LEPR: variants seen among roughly 807,000 people sequenced by gnomAD.
The protein encoded by LEPR is OB receptor.
A neutral mutation model predicts 114.7 loss-of-function variants in LEPR; 56 were observed. The observed-to-expected ratio is 0.49, with a 90% CI of 0.39 to 0.61. The LOEUF (loss-of-function observed/expected upper bound fraction) is 0.61, where lower values mean the gene tolerates loss of function less well. Ranked by LOEUF, LEPR falls within the 20% of genes least tolerant of loss-of-function variation. The probability of loss-of-function intolerance (pLI) is 0.00; values close to 1 mark genes in which losing one functional copy is unlikely to be tolerated. For missense variants in LEPR, 1,202 were observed against 1,352.9 expected, an observed-to-expected ratio of 0.89 and a Z score of 1.75; for synonymous variants, 443 against 461.4, an observed-to-expected ratio of 0.96 and a Z score of 0.51.
intron 8 of LEPR, among the ~76,000 whole-genome samples, chr1:65,599,704 A>G (rs1052696662): frequency 4.0e-5 from 6 of 150,180 alleles, no homozygotes; most frequent in African/African-American, 1.2e-4. Context: ...TTTTACATGG[A>G]TATGAAATAT....
At chr1:65,608,653 T>A in intron 11 of LEPR, 100 bp from the exon 12 acceptor site, 1 of 1,280,380 alleles carries the variant, frequency 7.8e-7, no homozygotes, top group Non-Finnish European at 1.1e-6. Context: ...GAAGAAGATA[T>A]TGCTTGATGA....
intron 15 of LEPR, among the ~76,000 whole-genome samples, chr1:65,616,796 T>G (rs1034874935): frequency 6.6e-6 from 1 of 152,106 alleles, no homozygotes; most frequent in Non-Finnish European, 1.5e-5. Flanking sequence ...GAATTTCTAG[T>G]CTAGATTACA....
intron 2 of LEPR, among the ~76,000 whole-genome samples, chr1:65,459,442 A>G (rs940374635): frequency 6.6e-6 from 1 of 152,174 alleles, no homozygotes; most frequent in Non-Finnish European, 1.5e-5. Context: ...AGTGCCAGCA[A>G]AGCTCACTGG....
chr1:65,447,091 CA>C (rs1646723178), intron 2 of LEPR, among the ~76,000 whole-genome samples: 1 of 152,082 alleles, frequency 6.6e-6, no homozygotes, highest in Non-Finnish European at 1.5e-5. Context: ...CTCAGCCTCC[CA>C]AAGTGCTAGG....
intron 6 of LEPR, among the ~76,000 whole-genome samples, chr1:65,593,877 G>C (rs55966874): frequency 0.5 from 75,950 of 151,406 alleles, 19,808 homozygotes; most frequent in East Asian, 0.88. Flanking sequence ...TCTTTTCTTT[G>C]AAAACTAATT....
At chr1:65,545,018 C>T (rs1253605614) in intron 2 of LEPR, among the ~76,000 whole-genome samples, 1 of 150,030 alleles carries the variant, frequency 6.7e-6, no homozygotes, top group Admixed American at 6.7e-5. Context: ...CATGTGTTCT[C>T]ATTGTTCAAT....
intron 11 of LEPR, among the ~76,000 whole-genome samples, chr1:65,608,549 CAA>C (rs1656970527): frequency 6.6e-6 from 1 of 151,926 alleles, no homozygotes; most frequent in African/African-American, 2.4e-5. Context: ...TTTTTTCAGT[CAA>C]GTCTATATTT....
chr1:65,607,904 T>C (rs1456441837), intron 11 of LEPR, among the ~76,000 whole-genome samples: 9 of 152,242 alleles, frequency 5.9e-5, no homozygotes, highest in Admixed American at 4.6e-4. Flanking sequence ...TGCATTTCTA[T>C]GATTTTTACA....
At chr1:65,538,990 G>A (rs560206908) in intron 2 of LEPR, among the ~76,000 whole-genome samples, 3 of 148,832 alleles carry the variant, frequency 2.0e-5, no homozygotes, top group South Asian at 4.2e-4. Flanking sequence ...TTTTCTGGAA[G>A]TACTGTTGGT....
At chr1:65,556,626 A>G (rs1192978063) in intron 2 of LEPR, among the ~76,000 whole-genome samples, 2 of 152,258 alleles carry the variant, frequency 1.3e-5, no homozygotes, top group Non-Finnish European at 1.5e-5. Context: ...CCTTCTTGCT[A>G]TTATGCCAGA....
chr1:65,580,257 C>T (rs748942191), intron 5 of LEPR, among the ~76,000 whole-genome samples: 10 of 151,984 alleles, frequency 6.6e-5, no homozygotes, highest in Non-Finnish European at 1.3e-4. Flanking sequence ...TAGAGCTGGT[C>T]AATATAGGAA....
intron 4 of LEPR, 38 bp from the exon 5 acceptor site, chr1:65,572,287 GT>G: frequency 3.1e-6 from 3 of 975,502 alleles, no homozygotes; most frequent in Non-Finnish European, 2.7e-6. Context: ...ATTTCATGTA[GT>G]TGTTTTTTTT....
intron 2 of LEPR, among the ~76,000 whole-genome samples, chr1:65,518,958 TTTTTC>T (rs1198578418): frequency 4.0e-5 from 6 of 150,014 alleles, no homozygotes; most frequent in Non-Finnish European, 7.4e-5. Context: ...TTCTTTCTTC[TTTTTC>T]TTTTCTTTTT....
intron 2 of LEPR, among the ~76,000 whole-genome samples, chr1:65,524,604 G>A (rs1649808509): frequency 6.6e-6 from 1 of 152,164 alleles, no homozygotes; most frequent in African/African-American, 2.4e-5. Context: ...GCTACTTCCC[G>A]CAACTCACTT....
chr1:65,479,564 C>G (rs558998676), intron 2 of LEPR, among the ~76,000 whole-genome samples: 1 of 152,106 alleles, frequency 6.6e-6, no homozygotes, highest in African/African-American at 2.4e-5. Flanking sequence ...TCTACCTGAC[C>G]AGAGGTAGAG....
intron 2 of LEPR, among the ~76,000 whole-genome samples, chr1:65,470,026 G>T (rs982910864): frequency 6.6e-6 from 1 of 152,130 alleles, no homozygotes; most frequent in Admixed American, 6.6e-5. Flanking sequence ...GCTTTATTCT[G>T]GGGGGAAATG....
At chr1:65,432,855 T>C in intron 2 of LEPR, 4 of 676,452 alleles carry the variant, frequency 5.9e-6, no homozygotes, top group Non-Finnish European at 7.3e-6. Flanking sequence ...ATATGTTAAT[T>C]AGTGTAATCA....
intron 2 of LEPR, among the ~76,000 whole-genome samples, chr1:65,478,309 T>A (rs1386771212): frequency 6.6e-6 from 1 of 152,174 alleles, no homozygotes; most frequent in African/African-American, 2.4e-5. Context: ...CTCTATTATG[T>A]GGAATATAAA....
intron 2 of LEPR, among the ~76,000 whole-genome samples, chr1:65,534,333 C>T (rs557046939): frequency 1.3e-5 from 2 of 152,190 alleles, no homozygotes; most frequent in South Asian, 4.2e-4. Flanking sequence ...AAAATGAATA[C>T]ACTTTGAGCA....
Sources: allele counts gnomAD v4.1 joint callset (sites outside exome capture counted in the v4.1 genomes callset), GRCh38; gene constraint gnomAD v4.1.1; transcripts MANE v1.5; gene names NCBI Gene and HGNC (gene_info 2026-07-23, HGNC 2026-07-21).